Variants in MAST4 observed in about 807,000 individuals in gnomAD.
MAST4 encodes microtubule associated serine/threonine kinase family member 4.
A neutral mutation model predicts 162.7 loss-of-function variants in MAST4; 89 were observed. That is an observed-to-expected ratio of 0.55 (90% confidence interval 0.46 to 0.65). MAST4 has a LOEUF of 0.65. Among genes scored for constraint, MAST4 ranks in the 30% least tolerant of loss-of-function variants. The pLI, the probability that MAST4 is intolerant of heterozygous loss-of-function variation, is 0.00. For missense variants in MAST4, 3,153 were observed against 3,374.0 expected, an observed-to-expected ratio of 0.93 and a Z score of 1.62; for synonymous variants, 1,479 against 1,361.1, an observed-to-expected ratio of 1.09 and a Z score of -1.91.
chr5:66,770,695 G>A (rs1344897228), intron 2 of MAST4, among the ~76,000 whole-genome samples: 2 of 152,204 alleles, frequency 1.3e-5, no homozygotes, highest in East Asian at 3.9e-4. Flanking sequence ...TCTTATACCC[G>A]GGGCAGGTGA....
intron 1 of MAST4, among the ~76,000 whole-genome samples, chr5:66,628,924 G>C (rs139448539): frequency 2.0e-5 from 3 of 152,310 alleles, no homozygotes; most frequent in Non-Finnish European, 4.4e-5. Context: ...CCCTGCAATA[G>C]ATAGTCCAGA....
At chr5:66,792,794 T>C (rs1215646736) in intron 3 of MAST4, among the ~76,000 whole-genome samples, 1 of 152,250 alleles carries the variant, frequency 6.6e-6, no homozygotes, top group African/African-American at 2.4e-5. Flanking sequence ...TTCATTAGTC[T>C]GCTTTTAAGC....
At chr5:66,986,322 G>T in intron 4 of MAST4, 2 of 586,498 alleles carry the variant, frequency 3.4e-6, no homozygotes, top group South Asian at 4.7e-5. Flanking sequence ...AGCGGGACTT[G>T]ACTTTTATAG....
rs70987132 is a variant in MAST4, at chr5:66,639,278, TTGTGTGTGTGTGTGTGTG to T, written c.363+42278_363+42295del. On this transcript the variant is annotated intron_variant, in intron 1 of 28. Coordinates refer to ENST00000403625, the MANE Select transcript of MAST4 (RefSeq NM_001164664.2). ...GTGTTGATTAGTACTGAGAGGCAGC[TTGTGTGTGTGTGTGTGTG>T]TGTGTGTGTGTGTGTGTTTTAAGAA... is the stretch of plus-strand genomic sequence containing the variant. Among the ~76,000 whole-genome samples the T allele has an allele frequency of 1.5e-3, 204 of 138,720 alleles. 1 individual carries two copies. Among genetic ancestry groups the T allele is most frequent in the African/African-American group, 5.4e-3 (197 of 36,736 alleles). The allele number at this position is 138,720 out of a possible 152,430, so 91.0% of individuals were successfully genotyped here.
intron 14 of MAST4, among the ~76,000 whole-genome samples, chr5:67,123,553 A>G (rs1019649788): frequency 1.3e-5 from 2 of 152,116 alleles, no homozygotes; most frequent in Non-Finnish European, 2.9e-5. Flanking sequence ...GGAGAGGCCC[A>G]GAGACAGAGT....
At chr5:66,931,063 A>G (rs937511208) in intron 4 of MAST4, 13 of 209,484 alleles carry the variant, frequency 6.2e-5, no homozygotes, top group East Asian at 1.2e-4. Context: ...GGGGAAATAT[A>G]GCTTCTGAGA....
rs1211011583 is a variant in MAST4 at position 67,043,721 on chromosome 5, C to CA, written c.675-10677dup. Among the ~76,000 whole-genome samples the CA allele has an allele frequency of 3.9e-5, 6 of 152,062 alleles. No homozygotes were observed. In the South Asian group the frequency reaches 1.0e-3, roughly 26 times the overall value. ...GAGTACAAAAAACGGAAGTTAAAAA[C>CA]AAAAAACAACTTGTTTATGTCACAC... On this transcript the variant is annotated intron_variant, in intron 4 of 28. Transcript: ENST00000403625.
At chr5:67,132,888 A>T (rs921333492) in intron 16 of MAST4, among the ~76,000 whole-genome samples, 1 of 152,154 alleles carries the variant, frequency 6.6e-6, no homozygotes, top group African/African-American at 2.4e-5. Context: ...ATTTCCATCC[A>T]GTAGCTTTTT....
rs1420172203 is a variant in MAST4, at chr5:66,752,943, C to T, written c.364-6766C>T. Among the ~76,000 whole-genome samples the T allele has an allele frequency of 3.3e-5, 5 of 151,632 alleles. No homozygotes were observed. In the South Asian group the frequency reaches 8.4e-4, roughly 25 times the overall value. On this transcript the variant is annotated intron_variant, in intron 1 of 28. Coordinates refer to ENST00000403625, the MANE Select transcript of MAST4 (RefSeq NM_001164664.2). ...AAATGTAAAAGAACAGAAATTATAACAAACTATCTCTCAGACCACAGTGCA... is the reference window on the plus strand; with the variant it reads ...AAATGTAAAAGAACAGAAATTATAATAAACTATCTCTCAGACCACAGTGCA...
chr5:66,883,422 GTTTTTTTTTTTTTT>G, intron 3 of MAST4, among the ~76,000 whole-genome samples: 1 of 97,258 alleles, frequency 1.0e-5, no homozygotes, highest in East Asian at 4.8e-4. Flanking sequence ...TTCTGTCACT[GTTTTTTTTTTTTTT>G]TTTTTTTTTT....
intron 3 of MAST4, among the ~76,000 whole-genome samples, chr5:66,872,735 A>C (rs1362845604): frequency 6.6e-6 from 1 of 152,230 alleles, no homozygotes; most frequent in Non-Finnish European, 1.5e-5. Flanking sequence ...TGTAGAGCAC[A>C]ACTCAGAGTA....
rs70987141 is a variant in MAST4, at chr5:66,837,895, T to TATATATA, written c.642+49101_642+49102insATATATA. On this transcript the variant is annotated intron_variant, in intron 3 of 28. Coordinates refer to ENST00000403625, the MANE Select transcript of MAST4 (RefSeq NM_001164664.2). The stretch of plus-strand genomic sequence containing the variant: ...ATATATATATATATATATATATATA[T>TATATATA]TTTTTTTTTTTTTTTTTTTTTTAAT... 9.5e-4 allele frequency among the ~76,000 whole-genome samples: 15 copies of TATATATA among 15,722 alleles called. 1 individual carries two copies. Among genetic ancestry groups the TATATATA allele is most frequent in the Admixed American group, 1.6e-3 (2 of 1,274 alleles). 10.3% of individuals were successfully genotyped at this position (15,722 alleles called of 152,430 possible).
intron 4 of MAST4, among the ~76,000 whole-genome samples, chr5:66,964,900 C>T (rs535912382): frequency 9.8e-5 from 15 of 152,292 alleles, no homozygotes; most frequent in African/African-American, 2.4e-4. Context: ...ATTTCATAAA[C>T]GCAAATGAAT....
chr5:67,165,666 C>T lies in MAST4; in HGVS notation c.6487C>T (p.Pro2163Ser), dbSNP rs757169267. ...CCCAAGCCACGCTTCTGGCAGAGAG[C>T]CGGGGGCCAAGCCCAGCACTGCAGA... The part of the protein sequence containing the change: ...SSPSHASGRE[P>S]GAKPSTAEPS... Residue 2163 changes from proline (P) to serine (S), a missense_variant, in exon 29 of 29, where the codon CCG (proline) becomes TCG (serine). Coordinates refer to ENST00000403625, the MANE Select transcript of MAST4 (RefSeq NM_001164664.2). The T allele has an allele frequency of 6.3e-6, 10 of 1,597,658 alleles. No homozygotes were observed. The South Asian group carries it at 1.1e-4, about 18-fold the overall frequency.
At chr5:67,023,533 A>G (rs1754249852) in intron 4 of MAST4, among the ~76,000 whole-genome samples, 1 of 152,152 alleles carries the variant, frequency 6.6e-6, no homozygotes, top group African/African-American at 2.4e-5. Context: ...TGGCTCATGG[A>G]GAATCAAAGT....
At chr5:66,725,882 T>C (rs569021631) in intron 1 of MAST4, among the ~76,000 whole-genome samples, 1 of 152,350 alleles carries the variant, frequency 6.6e-6, no homozygotes, top group South Asian at 2.1e-4. Flanking sequence ...GTTGATGATA[T>C]TCACTCATTT....
At chr5:67,059,971 C>T (rs956838043) in intron 5 of MAST4, among the ~76,000 whole-genome samples, 3 of 152,104 alleles carry the variant, frequency 2.0e-5, no homozygotes, top group African/African-American at 7.2e-5. Context: ...CATTTTCATG[C>T]ATATCCCTTC....
intron 3 of MAST4, among the ~76,000 whole-genome samples, chr5:66,839,495 G>T (rs928743027): frequency 2.0e-5 from 3 of 152,106 alleles, no homozygotes; most frequent in African/African-American, 7.2e-5. Flanking sequence ...CACTTATTTT[G>T]CAGGAATGGT....
intron 3 of MAST4, among the ~76,000 whole-genome samples, chr5:66,862,531 C>T (rs750743883): frequency 1.1e-4 from 16 of 152,138 alleles, no homozygotes; most frequent in Non-Finnish European, 2.2e-4. Flanking sequence ...TTTTAAAATG[C>T]TCTAACAAAC....
Sources: allele counts gnomAD v4.1 joint callset (sites outside exome capture counted in the v4.1 genomes callset), GRCh38; gene constraint gnomAD v4.1.1; transcripts MANE v1.5; gene names NCBI Gene and HGNC (gene_info 2026-07-23, HGNC 2026-07-21).